The following COP1 variants were observed in gnomAD, a reference collection of about 807,000 sequenced individuals.
The protein encoded by COP1 is E3 ubiquitin-protein ligase COP1.
COP1 carries 24 observed loss-of-function variants against 101.3 expected under a neutral mutation model. That is an observed-to-expected ratio of 0.24 (90% confidence interval 0.17 to 0.33). The LOEUF (loss-of-function observed/expected upper bound fraction) is 0.33, where lower values mean the gene tolerates loss of function less well. Among genes scored for constraint, COP1 ranks in the 10% least tolerant of loss-of-function variants. The pLI is 1.00. For synonymous variants in COP1, 347 were observed against 341.9 expected (o/e 1.01, Z -0.17); for missense variants, 663 against 906.2 (o/e 0.73, Z 3.45).
intron 12 of COP1, among the ~76,000 whole-genome samples, chr1:176,044,057 A>G (rs1309074079): frequency 6.6e-6 from 1 of 152,190 alleles, no homozygotes; most frequent in Non-Finnish European, 1.5e-5. Flanking sequence ...AGCTGTTAAG[A>G]TGGATGTGAG....
At chr1:175,968,674 C>T in intron 18 of COP1, 1 of 350,930 alleles carries the variant, frequency 2.8e-6, no homozygotes, top group South Asian at 2.2e-5. Context: ...AGAAGGCACA[C>T]TTAGCATACA....
intron 8 of COP1, among the ~76,000 whole-genome samples, chr1:176,120,657 G>A (rs949069338): frequency 1.2e-4 from 19 of 152,102 alleles, no homozygotes; most frequent in African/African-American, 3.4e-4. Flanking sequence ...GTAGATGTCC[G>A]TATAACTATT....
In COP1 at chr1:175,972,461, A is replaced by ATT. The variant is rs35491036; in HGVS notation, c.2133+14480_2133+14481dup. 5.8e-4 allele frequency among the ~76,000 whole-genome samples: 75 copies of ATT among 129,978 alleles called. 1 individual carries two copies. The highest frequency in any genetic ancestry group is 1.0e-3 in the African/African-American group (35 of 34,030). The allele number at this position is 129,978 out of a possible 152,430, so 85.3% of individuals were successfully genotyped here. On this transcript the variant is annotated intron_variant, in intron 18 of 19. Transcript: ENST00000367669. ...GAGCAGCAATATACAAAATACAAGA[A>ATT]TTTTTTTTTTTTTTTTTTTTTTGAG...
At chr1:175,948,921 T>A (rs1349182486) in intron 18 of COP1, among the ~76,000 whole-genome samples, 2 of 150,088 alleles carry the variant, frequency 1.3e-5, no homozygotes, top group African/African-American at 4.9e-5. Context: ...TCCCAGCACT[T>A]TGGGAGGCAG....
chr1:176,173,037 G>C (rs1696328928), intron 3 of COP1, among the ~76,000 whole-genome samples: 1 of 152,328 alleles, frequency 6.6e-6, no homozygotes, highest in Non-Finnish European at 1.5e-5. Flanking sequence ...ATTGGGCCAG[G>C]GGCGGTGGCT....
At position 176,187,128 on chromosome 1, in the gene COP1, C is replaced by G. The variant is rs536460574; in HGVS notation, c.408-2436G>C. Among the ~76,000 whole-genome samples the G allele has an allele frequency of 2.0e-5, 3 of 152,048 alleles. No individual in the cohort carries two copies. The South Asian group carries it at 6.2e-4, about 32-fold the overall frequency. On this transcript the variant is annotated intron_variant, in intron 1 of 19. Transcript: ENST00000367669. ...GAATAACAAGAGAATCAAAGAAGGT[C>G]TCCATTCTTTTTTTGAGACAGTGTC...
chr1:176,085,337 T>A (rs1679942893), intron 10 of COP1, among the ~76,000 whole-genome samples: 1 of 152,086 alleles, frequency 6.6e-6, no homozygotes, highest in Non-Finnish European at 1.5e-5. Flanking sequence ...ATTTAACACA[T>A]AATATCACAC....
rs1018631153 is a variant in COP1 at position 175,987,020 on chromosome 1, C to T, written c.2056G>A (p.Val686Ile). The change falls in exon 18 of 20, where the codon GTT becomes ATT. Residue 686 changes from valine (V) to isoleucine (I), a missense_variant. Val to Ile is a conservative substitution (Grantham distance 29). Around this residue, in one of 4 missense-constraint regions of COP1, gnomAD observed 209 missense variants for 383.3 expected, o/e 0.55. Transcript: ENST00000367669. ...TCTTCTTTTCGGTCTTTGTCGAGAA[C>T]ACTTTTGACTGTATCAAACTTAAAA... ...LTFKFDTVKSVLDKDRKEDDT... is the reference protein window; with the variant it reads ...LTFKFDTVKSILDKDRKEDDT... The T allele has an allele frequency of 6.2e-7, 1 of 1,611,488 alleles. No homozygotes were observed.
At chr1:176,175,180 A>G (rs1159982903) in intron 3 of COP1, among the ~76,000 whole-genome samples, 1 of 152,098 alleles carries the variant, frequency 6.6e-6, no homozygotes, top group Non-Finnish European at 1.5e-5. Context: ...CCTTGCCCTC[A>G]ATATTCAACA....
chr1:176,041,099 G>C (rs370360485), intron 14 of COP1, among the ~76,000 whole-genome samples: 3 of 152,058 alleles, frequency 2.0e-5, no homozygotes, highest in African/African-American at 4.8e-5. Context: ...GATGAACTTC[G>C]TTAAGAGATT....
chr1:176,163,860 T>A lies in COP1; in HGVS notation c.597A>T (p.Arg199Ser). ...CCAATTTGAACCTCTTTTCCTCAAA[T>A]CTTTGCTTCTGTTTAAGAATGAGTT... ...VNELILKQKQ[R>S]FEEKRFKLDH... Residue 199 changes from arginine (R) to serine (S), a missense_variant, in exon 4 of 20, where the codon AGA (arginine) becomes AGT (serine). Arg to Ser is a moderately radical substitution (Grantham distance 110, BLOSUM62 -1). Around this residue, in one of 4 missense-constraint regions of COP1, gnomAD observed 212 missense variants for 240.7 expected, o/e 0.88. Coordinates refer to ENST00000367669, the MANE Select transcript of COP1 (RefSeq NM_022457.7). The A allele has an allele frequency of 6.2e-7, 1 of 1,608,850 alleles. No individual in the cohort carries two copies. Among genetic ancestry groups the A allele is most frequent in the Non-Finnish European group, 8.5e-7 (1 of 1,176,736 alleles).
At position 176,113,654 on chromosome 1, in the gene COP1, G is replaced by C. The variant is rs549708709; in HGVS notation, c.1026+2970C>G. Among the ~76,000 whole-genome samples, 3 of 152,232 alleles carry C rather than the reference G, an allele frequency of 2.0e-5. No homozygotes were observed. In the East Asian group the frequency reaches 5.8e-4, roughly 29 times the overall value. ...AAGACCAATTAAAAAAACACCTGTA[G>C]TTAAATAAATTTTATTTATTGCTAG... On this transcript the variant is annotated intron_variant, in intron 9 of 19. Transcript: ENST00000367669.
At chr1:176,191,834 C>T (rs2102148038) in intron 1 of COP1, among the ~76,000 whole-genome samples, 1 of 152,222 alleles carries the variant, frequency 6.6e-6, no homozygotes, top group African/African-American at 2.4e-5. Flanking sequence ...TCCATCAAGA[C>T]CTGTGTTTAA....
At chr1:176,062,450 T>C (rs1675040710) in intron 11 of COP1, among the ~76,000 whole-genome samples, 1 of 152,118 alleles carries the variant, frequency 6.6e-6, no homozygotes, top group Admixed American at 6.5e-5. Context: ...TACATACCCA[T>C]TAATAAAATG....
chr1:176,104,248 A>C (rs1382499493), intron 9 of COP1, among the ~76,000 whole-genome samples: 1 of 152,174 alleles, frequency 6.6e-6, no homozygotes, highest in Admixed American at 6.5e-5. Flanking sequence ...TATTTTAAGA[A>C]ACAAGGGGTT....
intron 8 of COP1, among the ~76,000 whole-genome samples, chr1:176,131,421 G>A (rs2149704114): frequency 6.6e-6 from 1 of 151,822 alleles, no homozygotes; most frequent in East Asian, 1.9e-4. Flanking sequence ...TCTGGCTTCT[G>A]CTTTTCTTTT....
At chr1:176,007,042 T>A (rs1188209701) in intron 15 of COP1, among the ~76,000 whole-genome samples, 1 of 152,160 alleles carries the variant, frequency 6.6e-6, no homozygotes, top group Non-Finnish European at 1.5e-5. Context: ...GAGGCTTTGC[T>A]CATTTCTTTT....
intron 14 of COP1, 88 bp downstream of exon 14, chr1:176,043,098 G>A (rs2149181302): frequency 1.3e-6 from 1 of 785,036 alleles, no homozygotes; most frequent in East Asian, 2.5e-5. Flanking sequence ...ATGAGTTTGA[G>A]TAAATATTTG....
chr1:176,097,848 AAC>A (rs1682687990), intron 9 of COP1, among the ~76,000 whole-genome samples: 1 of 147,592 alleles, frequency 6.8e-6, no homozygotes, highest in South Asian at 2.2e-4. Context: ...CAGCCTGGGC[AAC>A]AGAGTGAAAC....
Sources: gnomAD v4.1 joint callset for allele counts (sites outside exome capture counted in the v4.1 genomes callset) on GRCh38, gnomAD v4.1.1 for gene constraint, gnomAD v4.1.1 regional missense constraint, MANE v1.5 for transcripts, NCBI Gene and HGNC (gene_info 2026-07-23, HGNC 2026-07-21) for gene names.